The following FUT9 variants were observed in gnomAD, a reference collection of about 807,000 sequenced individuals.
The protein encoded by FUT9 is 4-galactosyl-N-acetylglucosaminide 3-alpha-L-fucosyltransferase 9.
A neutral mutation model predicts 29.7 loss-of-function variants in FUT9; 15 were observed. The observed-to-expected ratio is 0.51, with a 90% CI of 0.34 to 0.78. The LOEUF (loss-of-function observed/expected upper bound fraction) is 0.78. Ranked by LOEUF, FUT9 falls within the 30% of genes least tolerant of loss-of-function variation. The pLI is 0.01. For missense variants in FUT9, 319 were observed against 425.4 expected (o/e 0.75, Z 2.20); for synonymous variants, 169 against 153.7 (o/e 1.10, Z -0.74).
At chr6:96,021,409 A>G (rs1770067091) in intron 1 of FUT9, among the ~76,000 whole-genome samples, 1 of 152,028 alleles carries the variant, frequency 6.6e-6, no homozygotes, top group Middle Eastern at 3.4e-3. Flanking sequence ...TGGAAATGTA[A>G]CTAAGTATAT....
At chr6:96,080,950 T>G (rs761098248) in intron 1 of FUT9, among the ~76,000 whole-genome samples, 21 of 151,958 alleles carry the variant, frequency 1.4e-4, no homozygotes, top group Non-Finnish European at 2.7e-4. Context: ...AGCACAATCT[T>G]GAGATTAATT....
intron 1 of FUT9, among the ~76,000 whole-genome samples, chr6:96,027,375 T>C (rs1770186419): frequency 6.6e-6 from 1 of 151,702 alleles, no homozygotes; most frequent in South Asian, 2.1e-4. Flanking sequence ...AGACTGAAGA[T>C]GAATACATGT....
At chr6:96,057,398 G>A (rs1168718613) in intron 1 of FUT9, among the ~76,000 whole-genome samples, 1 of 152,108 alleles carries the variant, frequency 6.6e-6, no homozygotes, top group African/African-American at 2.4e-5. Flanking sequence ...GCAGAGGGAG[G>A]AGAGAAAGCT....
chr6:96,198,667 G>C (rs1489737497), intron 2 of FUT9, among the ~76,000 whole-genome samples: 2 of 152,170 alleles, frequency 1.3e-5, no homozygotes, highest in African/African-American at 4.8e-5. Flanking sequence ...GGTATTTCTA[G>C]TTCCAGATCC....
intron 2 of FUT9, among the ~76,000 whole-genome samples, chr6:96,187,327 A>C (rs1253318955): frequency 2.6e-5 from 4 of 152,160 alleles, no homozygotes; most frequent in African/African-American, 9.7e-5. Context: ...TTCCAACTGC[A>C]ACATAAAGCC....
intron 1 of FUT9, among the ~76,000 whole-genome samples, chr6:96,086,911 G>C (rs2127952545): frequency 6.6e-6 from 1 of 152,268 alleles, no homozygotes; most frequent in South Asian, 2.1e-4. Flanking sequence ...CTGTCACAGA[G>C]AATAGGTTTC....
At chr6:96,200,779 C>T (rs1773713708) in intron 2 of FUT9, among the ~76,000 whole-genome samples, 1 of 152,024 alleles carries the variant, frequency 6.6e-6, no homozygotes, top group Non-Finnish European at 1.5e-5. Context: ...TGAAAAGAGA[C>T]CCTTTCAGTA....
chr6:96,100,520 G>T (rs1166544915), intron 1 of FUT9, among the ~76,000 whole-genome samples: 1 of 152,098 alleles, frequency 6.6e-6, no homozygotes, highest in African/African-American at 2.4e-5. Flanking sequence ...ATGATTAGAA[G>T]AATTTCACAT....
chr6:96,102,978 G>A (rs1044343295), intron 1 of FUT9, among the ~76,000 whole-genome samples: 6 of 152,196 alleles, frequency 3.9e-5, no homozygotes, highest in Non-Finnish European at 7.3e-5. Flanking sequence ...GACTAAAGCA[G>A]ACTGTACAAA....
intron 2 of FUT9, among the ~76,000 whole-genome samples, chr6:96,118,838 T>C (rs1395436176): frequency 6.6e-6 from 1 of 151,628 alleles, no homozygotes; most frequent in Non-Finnish European, 1.5e-5. Flanking sequence ...TAGGCTAAGG[T>C]GTGGGTTTGT....
chr6:96,193,947 G>C (rs754615015), intron 2 of FUT9, among the ~76,000 whole-genome samples: 19 of 152,100 alleles, frequency 1.2e-4, no homozygotes, highest in African/African-American at 4.1e-4. Context: ...GCGAACTATC[G>C]CAAGGGCGAA....
chr6:96,060,284 C>T (rs1582201846), intron 1 of FUT9, among the ~76,000 whole-genome samples: 1 of 152,216 alleles, frequency 6.6e-6, no homozygotes, highest in Admixed American at 6.5e-5. Flanking sequence ...AATATGAACA[C>T]CTACTTAAAT....
At chr6:96,148,684 G>A (rs1301607942) in intron 2 of FUT9, among the ~76,000 whole-genome samples, 2 of 152,042 alleles carry the variant, frequency 1.3e-5, no homozygotes, top group East Asian at 3.9e-4. Context: ...TTTGTAATAG[G>A]GTTGAAAAGA....
intron 2 of FUT9, among the ~76,000 whole-genome samples, chr6:96,115,240 A>G (rs1771888843): frequency 2.0e-5 from 3 of 152,216 alleles, no homozygotes; most frequent in Admixed American, 2.0e-4. Context: ...AAGCAGGTGA[A>G]ATGAGTCTTA....
At chr6:96,104,774 C>T (rs1771647791) in intron 1 of FUT9, among the ~76,000 whole-genome samples, 1 of 152,134 alleles carries the variant, frequency 6.6e-6, no homozygotes, top group Admixed American at 6.5e-5. Context: ...TCGTGATCTA[C>T]CCGCCTCAGC....
chr6:96,145,238 T>G lies in FUT9; in HGVS notation c.-9+31111T>G, dbSNP rs1582265255. Among the ~76,000 whole-genome samples, 4 of 152,244 alleles carry G rather than the reference T, an allele frequency of 2.6e-5. No individual in the cohort carries two copies. In the South Asian group the frequency reaches 8.3e-4, roughly 32 times the overall value. On this transcript the variant is annotated intron_variant, in intron 2 of 2. Transcript: ENST00000302103. Reference sequence around the variant, plus strand: ...AATCCCAGATAATTTTTTTGTATTTTTAGTAGAAACGGGGTTTCACCGTGT... The same window carrying G: ...AATCCCAGATAATTTTTTTGTATTTGTAGTAGAAACGGGGTTTCACCGTGT...
At chr6:96,163,358 C>T (rs1231779222) in intron 2 of FUT9, among the ~76,000 whole-genome samples, 1 of 148,128 alleles carries the variant, frequency 6.8e-6, no homozygotes, top group Non-Finnish European at 1.5e-5. Flanking sequence ...CTGAGAAGGA[C>T]TCCATACTTC....
chr6:96,042,085 TCC>T (rs1770471492), intron 1 of FUT9, among the ~76,000 whole-genome samples: 2 of 152,100 alleles, frequency 1.3e-5, no homozygotes, highest in Admixed American at 1.3e-4. Context: ...CTCAGTTCAC[TCC>T]CCCACCATCC....
intron 2 of FUT9, among the ~76,000 whole-genome samples, chr6:96,158,667 G>A (rs892096289): frequency 2.0e-5 from 3 of 152,016 alleles, no homozygotes; most frequent in African/African-American, 7.2e-5. Flanking sequence ...GTATTCTGGA[G>A]AGACTTAAAG....
Sources: gnomAD v4.1 joint callset for allele counts (sites outside exome capture counted in the v4.1 genomes callset) on GRCh38, gnomAD v4.1.1 for gene constraint, MANE v1.5 for transcripts, NCBI Gene and HGNC (gene_info 2026-07-23, HGNC 2026-07-21) for gene names.